Variants in PRMT8 observed in about 807,000 individuals in gnomAD.
PRMT8 encodes protein arginine N-methyltransferase 8.
A neutral mutation model predicts 47.1 loss-of-function variants in PRMT8; 7 were observed. The ratio of observed to expected loss-of-function variants is 0.15; its 90% CI spans 0.08 to 0.28. The LOEUF is 0.28. Ranked by LOEUF, PRMT8 falls within the 10% of genes least tolerant of loss-of-function variation. The probability of loss-of-function intolerance (pLI) is 1.00; values close to 1 mark genes in which losing one functional copy is unlikely to be tolerated. For synonymous variants in PRMT8, 188 were observed against 186.5 expected, an observed-to-expected ratio of 1.01 and a Z score of -0.07; for missense variants, 237 against 505.4, an observed-to-expected ratio of 0.47 and a Z score of 5.09.
chr12:3,448,268 G>C (rs138199560), intron 1 of PRMT8, among the ~76,000 whole-genome samples: 1 of 152,278 alleles, frequency 6.6e-6, no homozygotes, highest in East Asian at 1.9e-4. Context: ...GCCTCCCAAA[G>C]TGTTGGAATT....
chr12:3,495,250 C>A (rs2137115938), intron 1 of PRMT8, among the ~76,000 whole-genome samples: 1 of 152,334 alleles, frequency 6.6e-6, no homozygotes, highest in Non-Finnish European at 1.5e-5. Context: ...AAGCACAAAT[C>A]TGCTCATGAT....
chr12:3,535,457 C>T lies in PRMT8; in HGVS notation c.76-5149C>T, dbSNP rs887673194. On this transcript the variant is annotated intron_variant, in intron 1 of 9. Transcript: ENST00000382622. This position sits in a 1 kb window ranked among gnomAD's most constrained non-coding sequence, Gnocchi z 4.7. Reference sequence around the variant, plus strand: ...ATTGACAGTGGAGGGTGATTCTCACCATATCAGGGAGGCAGACAACATCGG... The same window carrying T: ...ATTGACAGTGGAGGGTGATTCTCACTATATCAGGGAGGCAGACAACATCGG... Among the ~76,000 whole-genome samples the T allele has an allele frequency of 1.3e-5, 2 of 152,176 alleles. No homozygotes were observed. The highest frequency in any genetic ancestry group is 4.8e-5 in the African/African-American group (2 of 41,444).
At chr12:3,390,554 G>A (rs1864183705) in intron 1 of PRMT8, among the ~76,000 whole-genome samples, 1 of 152,098 alleles carries the variant, frequency 6.6e-6, no homozygotes, top group Non-Finnish European at 1.5e-5. Flanking sequence ...AACCCTAATA[G>A]TAGCTACCAT....
intron 1 of PRMT8, among the ~76,000 whole-genome samples, chr12:3,480,416 A>C (rs1350974486): frequency 1.3e-5 from 2 of 152,348 alleles, no homozygotes; most frequent in African/African-American, 4.8e-5. Context: ...TCACAATCTT[A>C]GAATGGAAGA....
chr12:3,538,314 T>C lies in PRMT8; in HGVS notation c.76-2292T>C, dbSNP rs1412501096. The C allele has an allele frequency of 4.5e-6, 1 of 221,030 alleles. No individual in the cohort carries two copies. Among genetic ancestry groups the C allele is most frequent in the African/African-American group, 2.3e-5 (1 of 44,220 alleles). 13.7% of individuals were successfully genotyped at this position (221,030 alleles called of 1,614,324 possible). A position where few individuals can be genotyped will look rare whatever the true frequency, so the allele number is the denominator to read the frequency against. Reference sequence around the variant, plus strand: ...CAGAGACAATAAGGGTCTTAGAATCTAGAAAACAGGGTCCTGGGAGGGCAC... The same window carrying C: ...CAGAGACAATAAGGGTCTTAGAATCCAGAAAACAGGGTCCTGGGAGGGCAC... On this transcript the variant is annotated intron_variant, in intron 1 of 9. Transcript: ENST00000382622. The surrounding 1 kb of genome is among the most constrained non-coding windows in gnomAD (Gnocchi z 4.6).
chr12:3,473,415 C>G (rs898835639), intron 1 of PRMT8, among the ~76,000 whole-genome samples: 14 of 152,204 alleles, frequency 9.2e-5, no homozygotes, highest in Non-Finnish European at 5.9e-5. Flanking sequence ...TCTCCTCTGC[C>G]TCTCTAGCTG....
rs1291739446 is a variant in PRMT8, at chr12:3,492,201, C to T, written c.75+501C>T. ...TCGAGTCGGTTCCCGAGCTCTCCGT[C>T]CCCGCAGCCGCGCGGAGAGCCCCCG... On this transcript the variant is annotated intron_variant, in intron 1 of 9. Transcript: ENST00000382622. This position sits in a 1 kb window ranked among gnomAD's most constrained non-coding sequence, Gnocchi z 7.5. Among the ~76,000 whole-genome samples the T allele has an allele frequency of 6.6e-6, 1 of 152,104 alleles. No homozygotes were observed. The highest frequency in any genetic ancestry group is 1.5e-5 in the Non-Finnish European group (1 of 68,000).
rs1865458331 is a variant in PRMT8 at position 3,493,571 on chromosome 12, C to G, written c.75+1871C>G. ...GCCGCGCGGGGTCTGGGTGCAGACC[C>G]CTGCCAGGTTCCGCAGTGTGCAGCG... On this transcript the variant is annotated intron_variant, in intron 1 of 9. Transcript: ENST00000382622. The surrounding 1 kb of genome is among the most constrained non-coding windows in gnomAD (Gnocchi z 8.2). 6.6e-6 allele frequency among the ~76,000 whole-genome samples: 1 copy of G among 152,216 alleles called. No homozygotes were observed. Among genetic ancestry groups the G allele is most frequent in the South Asian group, 2.1e-4 (1 of 4,830 alleles).
chr12:3,586,509 C>G (rs1015858374), intron 8 of PRMT8, among the ~76,000 whole-genome samples: 1 of 152,342 alleles, frequency 6.6e-6, no homozygotes, highest in East Asian at 1.9e-4. Context: ...GGAGGTCCTA[C>G]AGTCTCCAGT....
At chr12:3,403,575 A>G (rs1212336287) in intron 1 of PRMT8, among the ~76,000 whole-genome samples, 1 of 152,052 alleles carries the variant, frequency 6.6e-6, no homozygotes, top group African/African-American at 2.4e-5. Flanking sequence ...GGTAATGTTT[A>G]TAATAGAGAA....
At chr12:3,473,699 A>G (rs983085999) in intron 1 of PRMT8, among the ~76,000 whole-genome samples, 1 of 150,572 alleles carries the variant, frequency 6.6e-6, no homozygotes, top group Non-Finnish European at 1.5e-5. Flanking sequence ...TCCTTCTCTC[A>G]CCCCCAAATC....
chr12:3,524,132 G>T (rs1865920008), intron 1 of PRMT8, among the ~76,000 whole-genome samples: 1 of 152,114 alleles, frequency 6.6e-6, no homozygotes, highest in Non-Finnish European at 1.5e-5. Context: ...AATCCACATG[G>T]CCACCAAAGG....
At chr12:3,481,544 T>C (rs967268046) in intron 1 of PRMT8, among the ~76,000 whole-genome samples, 2 of 152,144 alleles carry the variant, frequency 1.3e-5, no homozygotes, top group South Asian at 4.1e-4. Context: ...CTGAGAGTAC[T>C]GGGATGCAGC....
Position 3,513,893 on chromosome 12 carries a change from G to A in PRMT8, c.75+22193G>A, listed in dbSNP as rs534880266. 5.9e-5 allele frequency among the ~76,000 whole-genome samples: 9 copies of A among 152,342 alleles called. No individual in the cohort carries two copies. In the South Asian group the frequency reaches 1.9e-3, roughly 32 times the overall value. ...ATGTTATTTTGTGGTACTTTATCCT[G>A]TTCGATTTTAGATAATGAATAATCA... On this transcript the variant is annotated intron_variant, in intron 1 of 9. Coordinates refer to ENST00000382622, the MANE Select transcript of PRMT8 (RefSeq NM_019854.5).
intron 1 of PRMT8, among the ~76,000 whole-genome samples, chr12:3,385,476 A>G (rs1423085769): frequency 6.6e-6 from 1 of 152,220 alleles, no homozygotes; most frequent in Non-Finnish European, 1.5e-5. Flanking sequence ...AGATGAATGC[A>G]TTTACTCCAG....
upstream of PRMT8, among the ~76,000 whole-genome samples, chr12:3,486,459 G>T (rs996631342): frequency 6.6e-6 from 1 of 152,126 alleles, no homozygotes; most frequent in Admixed American, 6.5e-5. Context: ...CTTAGCACTT[G>T]CTTGGCCCAT....
chr12:3,429,463 C>A (rs1196187740), intron 1 of PRMT8, among the ~76,000 whole-genome samples: 1 of 152,292 alleles, frequency 6.6e-6, no homozygotes, highest in East Asian at 1.9e-4. Flanking sequence ...TAACACCACA[C>A]GCACACCACA....
intron 6 of PRMT8, among the ~76,000 whole-genome samples, chr12:3,574,946 G>A (rs548515700): frequency 5.9e-5 from 9 of 152,330 alleles, no homozygotes; most frequent in East Asian, 3.9e-4. Context: ...TGGCGTGTAC[G>A]TTTTATCTGG....
rs568367130 is a variant in PRMT8 at position 3,508,227 on chromosome 12, G to A, written c.75+16527G>A. 6.6e-6 allele frequency among the ~76,000 whole-genome samples: 1 copy of A among 152,278 alleles called. No individual in the cohort carries two copies. Among genetic ancestry groups the A allele is most frequent in the South Asian group, 2.1e-4 (1 of 4,816 alleles). On this transcript the variant is annotated intron_variant, in intron 1 of 9. Transcript: ENST00000382622. This position sits in a 1 kb window ranked among gnomAD's most constrained non-coding sequence, Gnocchi z 4.9. ...GGAATAGTCAATTCTGATGTTCACC[G>A]AAAGTAGATATAAATGACCTATTCC...
Sources: allele counts gnomAD v4.1 joint callset (sites outside exome capture counted in the v4.1 genomes callset), GRCh38; gene constraint gnomAD v4.1.1; non-coding constraint Gnocchi (gnomAD v3.1); transcripts MANE v1.5; gene names NCBI Gene and HGNC (gene_info 2026-07-23, HGNC 2026-07-21).